PAG1: variants seen among roughly 807,000 people sequenced by gnomAD.
PAG1 encodes phosphoprotein membrane anchor with glycosphingolipid microdomains 1.
A neutral mutation model predicts 31.7 loss-of-function variants in PAG1; 23 were observed. The observed-to-expected ratio is 0.73, with a 90% CI of 0.52 to 1.03. PAG1 has a LOEUF of 1.03. Ranked by LOEUF, PAG1 falls within the 50% of genes least tolerant of loss-of-function variation. PAG1 has a pLI of 0.00. For synonymous variants in PAG1, 214 were observed against 210.3 expected (o/e 1.02, Z -0.15); for missense variants, 473 against 540.7 (o/e 0.87, Z 1.24).
chr8:81,017,171 T>C (rs182954504), intron 3 of PAG1, among the ~76,000 whole-genome samples: 8 of 152,342 alleles, frequency 5.3e-5, no homozygotes, highest in Non-Finnish European at 1.2e-4. Context: ...AGATAATGAA[T>C]ACAGATCCTT....
intron 1 of PAG1, among the ~76,000 whole-genome samples, chr8:81,096,734 G>T (rs1468794827): frequency 6.6e-6 from 1 of 152,192 alleles, no homozygotes; most frequent in Non-Finnish European, 1.5e-5. Flanking sequence ...GGAAATACGA[G>T]GTTGCAAAGT....
chr8:80,984,945 C>T lies in PAG1; in HGVS notation c.707G>A (p.Cys236Tyr). 1 of 1,614,172 alleles carries T rather than the reference C, an allele frequency of 6.2e-7. No individual in the cohort carries two copies. The highest frequency in any genetic ancestry group is 8.5e-7 in the Non-Finnish European group (1 of 1,180,028). The change falls in exon 7 of 9, where the codon TGT (cysteine) becomes TAT (tyrosine). Residue 236 changes from cysteine to tyrosine, a missense_variant. Physicochemically the swap from Cys to Tyr is radical, Grantham distance 194. Coordinates refer to ENST00000220597, the MANE Select transcript of PAG1 (RefSeq NM_018440.4). ...ACTCTCTACATTAACACTTTGACGA[C>T]ATTTTTTGTTTCTGTCCACCGAGGC... ...EYASVDRNKK[C>Y]RQSVNVESIL...
rs202231054 is a variant in PAG1 at position 80,985,022 on chromosome 8, C to T, written c.630G>A (p.Ser210=). Residue 210 remains serine, a synonymous_variant, in exon 7 of 9, where the codon TCG becomes TCA. Transcript: ENST00000220597. The part of the protein sequence containing the change: ...HSGKAKSTSA[S]KELPGPQTEG... ...CAGTCTGGGGCCCTGGGAGCTCTTT[C>T]GAGGCAGAAGTAGATTTTGCCTTGC... 9.1e-5 allele frequency: 147 copies of T among 1,614,034 alleles called. No individual in the cohort carries two copies. Among genetic ancestry groups the T allele is most frequent in the African/African-American group, 2.1e-4 (16 of 74,900 alleles).
chr8:81,054,593 G>A (rs1042567817), intron 2 of PAG1, among the ~76,000 whole-genome samples: 1 of 152,082 alleles, frequency 6.6e-6, no homozygotes, highest in African/African-American at 2.4e-5. Context: ...AGAGAGTGGT[G>A]TGAACCTGGG....
At chr8:81,047,801 A>T (rs1389308001) in intron 2 of PAG1, among the ~76,000 whole-genome samples, 1 of 152,204 alleles carries the variant, frequency 6.6e-6, no homozygotes, top group Non-Finnish European at 1.5e-5. Flanking sequence ...GCTCTTTGCT[A>T]TCGAAATCTG....
At chr8:80,995,935 T>C (rs1450561402) in intron 3 of PAG1, among the ~76,000 whole-genome samples, 1 of 152,232 alleles carries the variant, frequency 6.6e-6, no homozygotes, top group African/African-American at 2.4e-5. Context: ...GAATAAAGGA[T>C]GGAACCAAGA....
intron 2 of PAG1, among the ~76,000 whole-genome samples, chr8:81,049,263 C>T (rs1046823736): frequency 6.6e-6 from 1 of 152,202 alleles, no homozygotes; most frequent in Non-Finnish European, 1.5e-5. Flanking sequence ...ATGCCCTAAT[C>T]TAATTTCCAA....
chr8:80,986,910 G>A (rs1193038814), intron 6 of PAG1, among the ~76,000 whole-genome samples: 1 of 152,120 alleles, frequency 6.6e-6, no homozygotes, highest in Non-Finnish European at 1.5e-5. Context: ...CCTGATTTTA[G>A]CCCAGTGAGA....
At chr8:81,009,941 G>A (rs768977088) in intron 3 of PAG1, among the ~76,000 whole-genome samples, 5 of 152,116 alleles carry the variant, frequency 3.3e-5, no homozygotes, top group South Asian at 4.1e-4. Flanking sequence ...CACTAATGCC[G>A]AGGTCTAACT....
At chr8:81,015,912 A>C (rs139106985) in intron 3 of PAG1, among the ~76,000 whole-genome samples, 46 of 152,264 alleles carry the variant, frequency 3.0e-4, no homozygotes, top group African/African-American at 1.1e-3. Flanking sequence ...AGCTCATTGG[A>C]AGCAATGGTG....
chr8:81,076,691 A>G (rs1053225895), intron 1 of PAG1, among the ~76,000 whole-genome samples: 1 of 152,232 alleles, frequency 6.6e-6, no homozygotes, highest in Non-Finnish European at 1.5e-5. Context: ...TTTTGAAAGG[A>G]AGACAAGCTG....
intron 3 of PAG1, among the ~76,000 whole-genome samples, chr8:81,009,859 C>T (rs1807949562): frequency 6.6e-6 from 1 of 152,230 alleles, no homozygotes; most frequent in African/African-American, 2.4e-5. Context: ...AAGTGATCCT[C>T]CTACCTTGGC....
chr8:81,020,771 T>G (rs556117992), intron 3 of PAG1, among the ~76,000 whole-genome samples: 76 of 152,310 alleles, frequency 5.0e-4, no homozygotes, highest in African/African-American at 1.7e-3. Context: ...TGATGGGTAA[T>G]CTTATGTTTT....
chr8:81,071,487 A>C (rs867170647), intron 1 of PAG1, among the ~76,000 whole-genome samples: 9 of 152,342 alleles, frequency 5.9e-5, no homozygotes, highest in Middle Eastern at 6.8e-3. Flanking sequence ...AAATTTCCCC[A>C]CCAGTCTGAA....
chr8:81,021,626 A>G (rs528787963), intron 3 of PAG1, among the ~76,000 whole-genome samples: 1 of 151,592 alleles, frequency 6.6e-6, no homozygotes, highest in South Asian at 2.1e-4. Flanking sequence ...ATTAAGGGCA[A>G]AATCCTACAA....
At chr8:81,004,811 C>T (rs1400379699) in intron 3 of PAG1, among the ~76,000 whole-genome samples, 1 of 152,118 alleles carries the variant, frequency 6.6e-6, no homozygotes, top group East Asian at 1.9e-4. Flanking sequence ...GAGAACTGTC[C>T]CCAATGTGTC....
chr8:80,983,385 T>A (rs1807347390), intron 7 of PAG1, among the ~76,000 whole-genome samples: 1 of 152,240 alleles, frequency 6.6e-6, no homozygotes, highest in Non-Finnish European at 1.5e-5. Context: ...TTAAACTTTA[T>A]GTCTGTCTCT....
intron 1 of PAG1, among the ~76,000 whole-genome samples, chr8:81,098,156 G>A (rs1809556384): frequency 6.6e-6 from 1 of 152,162 alleles, no homozygotes; most frequent in Non-Finnish European, 1.5e-5. Context: ...AAGACCCACT[G>A]GCCTGCAGTT....
intron 2 of PAG1, among the ~76,000 whole-genome samples, chr8:81,061,436 T>C (rs1808915720): frequency 6.6e-6 from 1 of 152,178 alleles, no homozygotes; most frequent in Non-Finnish European, 1.5e-5. Context: ...AGTAGTTGTG[T>C]TATCATCATA....
Sources: allele counts gnomAD v4.1 joint callset (sites outside exome capture counted in the v4.1 genomes callset), GRCh38; gene constraint gnomAD v4.1.1; transcripts MANE v1.5; gene names NCBI Gene and HGNC (gene_info 2026-07-23, HGNC 2026-07-21).